The following CNTN1 variants were observed in gnomAD, a reference collection of about 807,000 sequenced individuals.
The protein encoded by CNTN1 is contactin 1, also known as contactin-1.
A neutral mutation model predicts 126.4 loss-of-function variants in CNTN1; 38 were observed. That is an observed-to-expected ratio of 0.30 (90% CI 0.23 to 0.39). The LOEUF is 0.39. Among genes scored for constraint, CNTN1 ranks in the 10% least tolerant of loss-of-function variants. The pLI is 1.00. For missense variants in CNTN1, 1,009 were observed against 1,248.4 expected (o/e 0.81, Z 2.89); for synonymous variants, 413 against 422.6 (o/e 0.98, Z 0.28).
chr12:40,947,370 T>C (rs537979005), intron 14 of CNTN1, among the ~76,000 whole-genome samples: 19 of 152,210 alleles, frequency 1.2e-4, no homozygotes, highest in African/African-American at 3.8e-4. Context: ...GCCATTCTTT[T>C]ATTTTGTTGA....
At chr12:41,032,532 ACCAGTGTTAT>A (rs1182813554) in intron 23 of CNTN1, among the ~76,000 whole-genome samples, 1 of 152,058 alleles carries the variant, frequency 6.6e-6, no homozygotes, top group African/African-American at 2.4e-5. Context: ...TCTTGAACAC[ACCAGTGTTAT>A]CCCTGCCTTG....
Position 40,949,682 on chromosome 12 carries a change from C to A in CNTN1, c.1683+5512C>A, listed in dbSNP as rs1225549846. ...CAACCTCTCCCAGGTTCAAGTAATTCTCTGGCCTCAGCCTCCCAAGTAGCT... is the reference window on the plus strand; with the variant it reads ...CAACCTCTCCCAGGTTCAAGTAATTATCTGGCCTCAGCCTCCCAAGTAGCT... On this transcript the variant is annotated intron_variant, in intron 14 of 23. Transcript: ENST00000551295. 2.2e-5 allele frequency among the ~76,000 whole-genome samples: 3 copies of A among 135,604 alleles called. No individual in the cohort carries two copies. The East Asian group carries it at 7.3e-4, about 33-fold the overall frequency. The allele number at this position is 135,604 out of a possible 152,430, so 89.0% of individuals were successfully genotyped here. A position where few individuals can be genotyped will look rare whatever the true frequency, so the allele number is the denominator to read the frequency against.
rs150566279 is a variant in CNTN1, at chr12:40,984,722, C to T, written c.1963+3655C>T. Among the ~76,000 whole-genome samples the T allele has an allele frequency of 2.3e-3, 345 of 152,178 alleles. 3 individuals carry two copies. The highest frequency in any genetic ancestry group is 7.4e-3 in the African/African-American group (307 of 41,522). The stretch of plus-strand genomic sequence containing the variant: ...GACAAATATACCAACTATGTATCAC[C>T]ATCTGATATGATTTCTTTACAACTT... On this transcript the variant is annotated intron_variant, in intron 16 of 23. Coordinates refer to ENST00000551295, the MANE Select transcript of CNTN1 (RefSeq NM_001843.4).
At chr12:40,896,190 CAT>C (rs1944408466) in intron 1 of CNTN1, 1 of 152,188 alleles carries the variant, frequency 6.6e-6, no homozygotes. Flanking sequence ...CTGACACACA[CAT>C]GCTGACACAT....
intron 15 of CNTN1, among the ~76,000 whole-genome samples, chr12:40,980,521 CAAATGTTCCCATATCTA>C (rs1217712349): frequency 6.6e-6 from 1 of 151,192 alleles, no homozygotes; most frequent in Admixed American, 6.6e-5. Flanking sequence ...GACAATAGAC[CAAATGTTCCCATATCTA>C]AACTGAATTG....
chr12:40,799,234 G>A (rs1459542438), intron 1 of CNTN1, among the ~76,000 whole-genome samples: 1 of 150,756 alleles, frequency 6.6e-6, no homozygotes, highest in Non-Finnish European at 1.5e-5. Flanking sequence ...TTTGAAGTTT[G>A]TTTAATTAAT....
At chr12:40,949,537 G>A (rs1337376399) in intron 14 of CNTN1, among the ~76,000 whole-genome samples, 1 of 93,692 alleles carries the variant, frequency 1.1e-5, no homozygotes, top group African/African-American at 4.1e-5. Flanking sequence ...TGTTGTTGCT[G>A]TTTTTGTGGG....
chr12:40,846,267 G>C (rs1942496912), intron 1 of CNTN1, among the ~76,000 whole-genome samples: 1 of 151,304 alleles, frequency 6.6e-6, no homozygotes, highest in Admixed American at 6.6e-5. Flanking sequence ...GAGGTCAGGA[G>C]ACCATCCTGC....
At chr12:40,715,844 T>G (rs1942034013) in intron 1 of CNTN1, among the ~76,000 whole-genome samples, 1 of 152,172 alleles carries the variant, frequency 6.6e-6, no homozygotes, top group Admixed American at 6.5e-5. Flanking sequence ...CCTAGTTGAA[T>G]GTTAAAATCA....
chr12:40,905,683 C>T (rs1190093071), intron 1 of CNTN1, among the ~76,000 whole-genome samples: 1 of 151,966 alleles, frequency 6.6e-6, no homozygotes, highest in Non-Finnish European at 1.5e-5. Flanking sequence ...AAGTCAATTG[C>T]TTGATTGGCA....
intron 1 of CNTN1, among the ~76,000 whole-genome samples, chr12:40,798,389 T>C (rs1204855774): frequency 6.6e-6 from 1 of 151,992 alleles, no homozygotes; most frequent in Non-Finnish European, 1.5e-5. Context: ...CTTGCCCAAC[T>C]AAAGACTTTT....
chr12:40,866,459 C>G (rs1943303181), intron 1 of CNTN1, among the ~76,000 whole-genome samples: 1 of 152,086 alleles, frequency 6.6e-6, no homozygotes, highest in South Asian at 2.1e-4. Flanking sequence ...TGTTGATGCT[C>G]TTTATCAAGT....
At chr12:41,019,575 C>T (rs954492957) in intron 19 of CNTN1, among the ~76,000 whole-genome samples, 12 of 152,050 alleles carry the variant, frequency 7.9e-5, no homozygotes, top group African/African-American at 2.9e-4. Flanking sequence ...ATTGATCACC[C>T]CTGCTTAAAG....
intron 17 of CNTN1, among the ~76,000 whole-genome samples, chr12:41,005,324 G>T (rs1416288302): frequency 3.3e-5 from 5 of 152,112 alleles, no homozygotes; most frequent in African/African-American, 1.2e-4. Context: ...GGCTTCCTTT[G>T]TAGTTGATCT....
intron 1 of CNTN1, among the ~76,000 whole-genome samples, chr12:40,809,415 T>A (rs1299062630): frequency 6.6e-6 from 1 of 152,206 alleles, no homozygotes; most frequent in African/African-American, 2.4e-5. Flanking sequence ...AAATAAAATG[T>A]GTCCCAAAGT....
At chr12:40,742,157 G>C (rs1397149384) in intron 1 of CNTN1, among the ~76,000 whole-genome samples, 1 of 152,032 alleles carries the variant, frequency 6.6e-6, no homozygotes, top group African/African-American at 2.4e-5. Flanking sequence ...GTGTAACCTA[G>C]CCACAACTGA....
intron 14 of CNTN1, among the ~76,000 whole-genome samples, chr12:40,955,128 C>A (rs1215306049): frequency 1.3e-5 from 2 of 151,956 alleles, no homozygotes; most frequent in Admixed American, 1.3e-4. Flanking sequence ...TCCAGTATGA[C>A]CCAACTCCTA....
At chr12:41,028,717 C>T (rs1024849751) in intron 22 of CNTN1, among the ~76,000 whole-genome samples, 4 of 152,118 alleles carry the variant, frequency 2.6e-5, no homozygotes, top group Admixed American at 6.5e-5. Flanking sequence ...AATTGAGAGA[C>T]AATTTTCAGA....
rs534868350 is a variant in CNTN1 at position 41,035,030 on chromosome 12, C to T, written c.2980+5811C>T. Among the ~76,000 whole-genome samples, 8 of 152,280 alleles carry T rather than the reference C, an allele frequency of 5.3e-5. No homozygotes were observed. The South Asian group carries it at 1.7e-3, about 32-fold the overall frequency. On this transcript the variant is annotated intron_variant, in intron 23 of 23. Transcript: ENST00000551295. ...GCTTTGAGTACAACTTCTAGAAGCA[C>T]ATTTTAATATTTTAACTATATGTCA... is the stretch of plus-strand genomic sequence containing the variant.
Sources: allele counts gnomAD v4.1 joint callset (sites outside exome capture counted in the v4.1 genomes callset), GRCh38; gene constraint gnomAD v4.1.1; transcripts MANE v1.5; gene names NCBI Gene and HGNC (gene_info 2026-07-23, HGNC 2026-07-21).